RIMS2: variants seen among roughly 807,000 people sequenced by gnomAD.
RIMS2 encodes regulating synaptic membrane exocytosis protein 2.
In RIMS2, 59 loss-of-function variants were observed where a neutral mutation model predicts 174.4. That is an observed-to-expected ratio of 0.34 (90% confidence interval 0.27 to 0.42). The LOEUF (loss-of-function observed/expected upper bound fraction) is 0.42. Among genes scored for constraint, RIMS2 ranks in the 10% least tolerant of loss-of-function variants. The pLI is 1.00. For missense variants in RIMS2, 1,620 were observed against 1,666.3 expected, an observed-to-expected ratio of 0.97 and a Z score of 0.48; for synonymous variants, 606 against 572.5, an observed-to-expected ratio of 1.06 and a Z score of -0.84.
chr8:104,104,783 G>C (rs543762412), intron 19 of RIMS2, among the ~76,000 whole-genome samples: 1 of 151,858 alleles, frequency 6.6e-6, no homozygotes, highest in South Asian at 2.1e-4. Context: ...GGGAGGCTGA[G>C]ATGGGAGGAT....
At chr8:103,742,523 G>A (rs2097771568) in intron 2 of RIMS2, among the ~76,000 whole-genome samples, 1 of 152,024 alleles carries the variant, frequency 6.6e-6, no homozygotes, top group Non-Finnish European at 1.5e-5. Context: ...GACTTACCAG[G>A]CAACATCCTT....
chr8:104,038,119 A>G (rs182251745), intron 19 of RIMS2, among the ~76,000 whole-genome samples: 1 of 152,096 alleles, frequency 6.6e-6, no homozygotes, highest in Non-Finnish European at 1.5e-5. Context: ...CTTGCTTTTT[A>G]TATTAAATAG....
At chr8:104,060,621 G>A (rs1395235517) in intron 19 of RIMS2, among the ~76,000 whole-genome samples, 1 of 151,836 alleles carries the variant, frequency 6.6e-6, no homozygotes, top group Non-Finnish European at 1.5e-5. Flanking sequence ...GCTTTTGAAT[G>A]TGTTTGCTCT....
chr8:103,711,196 A>G (rs1258558422), intron 2 of RIMS2, among the ~76,000 whole-genome samples: 1 of 152,208 alleles, frequency 6.6e-6, no homozygotes, highest in Non-Finnish European at 1.5e-5. Context: ...TTCTGAATCT[A>G]GCTTTTATGT....
chr8:104,005,231 A>G (rs1160472204), intron 17 of RIMS2, among the ~76,000 whole-genome samples: 1 of 152,238 alleles, frequency 6.6e-6, no homozygotes, highest in African/African-American at 2.4e-5. Flanking sequence ...AGATAATAGC[A>G]ACCTGTATTA....
chr8:103,951,906 G>A (rs1236096150), intron 14 of RIMS2, among the ~76,000 whole-genome samples: 1 of 152,214 alleles, frequency 6.6e-6, no homozygotes, highest in Non-Finnish European at 1.5e-5. Context: ...GGACGCTTGA[G>A]CTTGGTGTGG....
rs116130170 is a variant in RIMS2 at position 103,646,306 on chromosome 8, G to A, written c.177-50780G>A. On this transcript the variant is annotated intron_variant, in intron 1 of 23. Transcript: ENST00000504942. The stretch of plus-strand genomic sequence containing the variant: ...GACTCACTAAATGTGTGCCACGTGA[G>A]GTAGAAGTTTTTTTTTAGTTAGGTG... Among the ~76,000 whole-genome samples, 707 of 152,162 alleles carry A rather than the reference G, an allele frequency of 4.6e-3. 5 individuals carry two copies. Among genetic ancestry groups the A allele is most frequent in the African/African-American group, 0.016 (662 of 41,516 alleles).
At chr8:103,674,552 G>A (rs1043086321) in intron 1 of RIMS2, among the ~76,000 whole-genome samples, 1 of 151,460 alleles carries the variant, frequency 6.6e-6, no homozygotes, top group African/African-American at 2.4e-5. Context: ...TTCTAGATGG[G>A]CAGAATTGAT....
At position 103,846,562 on chromosome 8, in the gene RIMS2, A is replaced by G. The variant is rs895140345; in HGVS notation, c.699-38736A>G. On this transcript the variant is annotated intron_variant, in intron 3 of 23. Transcript: ENST00000504942. ...GGTTCTTTCTTTGGAGAACAGGGAT[A>G]CTATGTGCAATTAGCAGCCAGTATT... Among the ~76,000 whole-genome samples the G allele has an allele frequency of 2.6e-5, 4 of 152,268 alleles. No individual in the cohort carries two copies. The East Asian group carries it at 7.7e-4, about 29-fold the overall frequency.
At chr8:103,615,099 C>A (rs1029381636) in intron 1 of RIMS2, among the ~76,000 whole-genome samples, 3 of 151,958 alleles carry the variant, frequency 2.0e-5, no homozygotes, top group Non-Finnish European at 2.9e-5. Context: ...TTAAAATGTA[C>A]CCTTTACTGC....
At chr8:103,733,260 GC>G (rs1335263279) in intron 2 of RIMS2, among the ~76,000 whole-genome samples, 1 of 152,078 alleles carries the variant, frequency 6.6e-6, no homozygotes, top group Non-Finnish European at 1.5e-5. Context: ...TCATGAGTCT[GC>G]CTGGTACCCT....
intron 14 of RIMS2, among the ~76,000 whole-genome samples, chr8:103,955,760 G>A (rs1160464928): frequency 2.0e-5 from 3 of 152,142 alleles, no homozygotes; most frequent in African/African-American, 7.2e-5. Context: ...GGGCAATCAG[G>A]CAAGAGAAAG....
intron 19 of RIMS2, among the ~76,000 whole-genome samples, chr8:104,229,621 G>GCTGCTT (rs1265029145): frequency 1.3e-5 from 2 of 152,108 alleles, no homozygotes; most frequent in Admixed American, 6.5e-5. Context: ...TCTTTGCATG[G>GCTGCTT]CTGCTTTTTT....
intron 2 of RIMS2, among the ~76,000 whole-genome samples, chr8:103,742,584 A>T (rs2097772189): frequency 6.6e-6 from 1 of 152,132 alleles, no homozygotes; most frequent in Non-Finnish European, 1.5e-5. Flanking sequence ...GTCATATAAG[A>T]TTTCCTAGCT....
chr8:104,223,396 C>G (rs1192623940), intron 19 of RIMS2: 11 of 1,262,372 alleles, frequency 8.7e-6, no homozygotes, highest in Non-Finnish European at 1.1e-5. Context: ...CGGACGTTCA[C>G]TGCGAGCAGC....
intron 1 of RIMS2, among the ~76,000 whole-genome samples, chr8:103,550,435 C>G (rs1018800949): frequency 6.6e-6 from 1 of 151,908 alleles, no homozygotes; most frequent in Non-Finnish European, 1.5e-5. Flanking sequence ...CATAACCAGA[C>G]TCTGGGACAC....
At chr8:103,834,351 T>TA (rs2098845192) in intron 3 of RIMS2, among the ~76,000 whole-genome samples, 2 of 134,830 alleles carry the variant, frequency 1.5e-5, no homozygotes, top group Admixed American at 1.5e-4. Flanking sequence ...TTTTTTTTTT[T>TA]AAGAAATGGG....
Position 104,049,106 on chromosome 8 carries a change from A to G in RIMS2, c.3334+34491A>G, listed in dbSNP as rs1005847831. On this transcript the variant is annotated intron_variant, in intron 19 of 23. Transcript: ENST00000504942. Reference sequence around the variant, plus strand: ...ATCTGTGGCACCAGAAACAAGACAAATTACTTCTAGATTTTTCTTTAAAAA... The same window carrying G: ...ATCTGTGGCACCAGAAACAAGACAAGTTACTTCTAGATTTTTCTTTAAAAA... 6.0e-5 allele frequency among the ~76,000 whole-genome samples: 9 copies of G among 150,032 alleles called. No homozygotes were observed. In the East Asian group the frequency reaches 1.8e-3, roughly 30 times the overall value.
intron 13 of RIMS2, among the ~76,000 whole-genome samples, chr8:103,940,294 AAG>A (rs950908770): frequency 1.3e-5 from 2 of 152,160 alleles, no homozygotes; most frequent in Non-Finnish European, 2.9e-5. Context: ...GCAGCAGGCA[AAG>A]AGAGAGAGAA....
Sources: gnomAD v4.1 joint callset for allele counts (sites outside exome capture counted in the v4.1 genomes callset) on GRCh38, gnomAD v4.1.1 for gene constraint, MANE v1.5 for transcripts, NCBI Gene and HGNC (gene_info 2026-07-23, HGNC 2026-07-21) for gene names.